FOCAD: variants seen among roughly 807,000 people sequenced by gnomAD.
FOCAD encodes focadhesin.
Under a neutral mutation model 225.6 loss-of-function variants are expected in FOCAD, and 198 were observed. The observed-to-expected ratio is 0.88, with a 90% CI of 0.78 to 0.99. The LOEUF is 0.99. Ranked by LOEUF, FOCAD falls within the 50% of genes least tolerant of loss-of-function variation. FOCAD has a pLI of 0.00. For missense variants in FOCAD, 2,713 were observed against 2,123.6 expected (o/e 1.28, Z -5.46); for synonymous variants, 897 against 755.0 (o/e 1.19, Z -3.08).
At chr9:20,794,780 A>G (rs1820882976) in intron 11 of FOCAD, among the ~76,000 whole-genome samples, 1 of 152,208 alleles carries the variant, frequency 6.6e-6, no homozygotes, top group Admixed American at 6.5e-5. Context: ...TTGGTGGATT[A>G]TCTTCCAGTT....
intron 2 of FOCAD, among the ~76,000 whole-genome samples, chr9:20,675,956 C>A (rs917659119): frequency 6.6e-6 from 1 of 152,060 alleles, no homozygotes; most frequent in Non-Finnish European, 1.5e-5. Flanking sequence ...GAATCGTCTG[C>A]GTAGAACAAC....
At chr9:20,831,894 T>A (rs1329051722) in intron 15 of FOCAD, among the ~76,000 whole-genome samples, 2 of 152,210 alleles carry the variant, frequency 1.3e-5, no homozygotes, top group East Asian at 3.9e-4. Context: ...ACCAGCAATC[T>A]ACTTTCCGTC....
intron 35 of FOCAD, among the ~76,000 whole-genome samples, chr9:20,964,797 G>A (rs1004254998): frequency 6.6e-6 from 1 of 152,176 alleles, no homozygotes; most frequent in Non-Finnish European, 1.5e-5. Context: ...GCCTCCCAAA[G>A]TGCTGGGATT....
intron 21 of FOCAD, among the ~76,000 whole-genome samples, chr9:20,901,476 A>G (rs950833152): frequency 6.6e-6 from 1 of 151,906 alleles, no homozygotes; most frequent in Admixed American, 6.6e-5. Context: ...TACCTGATTT[A>G]TAGTATTTAA....
intron 15 of FOCAD, among the ~76,000 whole-genome samples, chr9:20,834,231 T>A (rs1436544260): frequency 6.6e-6 from 1 of 151,788 alleles, no homozygotes; most frequent in East Asian, 1.9e-4. Flanking sequence ...TTGTCACTTA[T>A]AAGTGGGAGC....
At chr9:20,957,673 C>CTCTTTTT (rs1361017091) in intron 35 of FOCAD, 1 of 38,422 alleles carries the variant, frequency 2.6e-5, no homozygotes, top group African/African-American at 1.1e-4. Flanking sequence ...ATCTCTCTCT[C>CTCTTTTT]TTTTTTTTTT....
chr9:20,989,051 A>T (rs1841433280), intron 41 of FOCAD, among the ~76,000 whole-genome samples: 2 of 152,362 alleles, frequency 1.3e-5, no homozygotes, highest in South Asian at 4.1e-4. Flanking sequence ...AGACGAAGAC[A>T]GCTCTTTCCT....
Position 20,866,917 on chromosome 9 carries a change from T to TTTTTTTTTTTTAAAA in FOCAD, c.2107-12_2107-11insTTTTTTTTTTTAAAA. The TTTTTTTTTTTTAAAA allele has an allele frequency of 1.3e-6, 1 of 764,972 alleles. No homozygotes were observed. The highest frequency in any genetic ancestry group is 2.0e-6 in the Non-Finnish European group (1 of 498,468). 47.4% of individuals were successfully genotyped at this position (764,972 alleles called of 1,614,324 possible). A position where few individuals can be genotyped will look rare whatever the true frequency, so the allele number is the denominator to read the frequency against. ...TTTTTTTTTTTTTTTTTTTTTTTTTTACCCTATCTAGGACCCAATTGTAGC... is the reference window on the plus strand; with the variant it reads ...TTTTTTTTTTTTTTTTTTTTTTTTTTTTTTTTTTTTTAAAAACCCTATCTAGGACCCAATTGTAGC... On this transcript the variant is annotated splice_polypyrimidine_tract_variant and intron_variant, in intron 17 of 43. Transcript: ENST00000338382.
intron 6 of FOCAD, among the ~76,000 whole-genome samples, chr9:20,761,983 C>G (rs528036194): frequency 2.0e-5 from 3 of 152,006 alleles, no homozygotes; most frequent in Non-Finnish European, 4.4e-5. Context: ...ACAGATTAAG[C>G]CAAGGGGATT....
intron 4 of FOCAD, among the ~76,000 whole-genome samples, chr9:20,729,145 G>A (rs941080435): frequency 3.3e-5 from 5 of 152,198 alleles, no homozygotes; most frequent in African/African-American, 1.2e-4. Flanking sequence ...AAACTTGGTG[G>A]CTTAAGACAA....
At chr9:20,824,198 T>G (rs1824636421) in intron 15 of FOCAD, among the ~76,000 whole-genome samples, 1 of 152,110 alleles carries the variant, frequency 6.6e-6, no homozygotes, top group Non-Finnish European at 1.5e-5. Context: ...TTGATTTTAC[T>G]GCTTCTGTCA....
chr9:20,854,147 G>C (rs1180941253), intron 15 of FOCAD, among the ~76,000 whole-genome samples: 1 of 151,678 alleles, frequency 6.6e-6, no homozygotes, highest in Admixed American at 6.6e-5. Flanking sequence ...TAAAGAATCA[G>C]GACAAAAGGA....
chr9:20,684,697 C>G (rs1822553234), intron 1 of FOCAD: 1 of 152,318 alleles, frequency 6.6e-6, no homozygotes, highest in African/African-American at 2.4e-5. Context: ...GACCGGTTCC[C>G]TAGTTGGGGG....
intron 28 of FOCAD, among the ~76,000 whole-genome samples, chr9:20,938,089 A>G (rs201051698): frequency 2.1e-4 from 32 of 151,854 alleles, no homozygotes; most frequent in South Asian, 1.7e-3. Flanking sequence ...AACAGGTGCT[A>G]GAGAGGATGT....
Position 20,944,610 on chromosome 9 carries a change from C to G in FOCAD, c.3408-17C>G, listed in dbSNP as rs768372881. The G allele has an allele frequency of 1.9e-6, 3 of 1,607,248 alleles. No individual in the cohort carries two copies. Among genetic ancestry groups the G allele is most frequent in the East Asian group, 2.2e-5 (1 of 44,688 alleles). ...ATTTCTTATGATCCTAACATCTTAT[C>G]TTTTTTGGCTTCCAAGCACGGGCTG... is the stretch of plus-strand genomic sequence containing the variant. On this transcript the variant is annotated splice_polypyrimidine_tract_variant and intron_variant, in intron 28 of 43. Coordinates refer to ENST00000338382, the MANE Select transcript of FOCAD (RefSeq NM_001375567.1).
intron 25 of FOCAD, 117 bp downstream of exon 25, chr9:20,923,885 T>A: frequency 1.4e-6 from 1 of 728,712 alleles, no homozygotes; most frequent in South Asian, 1.6e-5. Context: ...CAAGTTATAG[T>A]ACTTGATGGG....
chr9:20,862,050 A>T (rs1027064223), intron 15 of FOCAD, among the ~76,000 whole-genome samples: 15 of 152,130 alleles, frequency 9.9e-5, no homozygotes, highest in African/African-American at 3.4e-4. Context: ...TTAAATTATT[A>T]TGTTAAATAC....
intron 42 of FOCAD, among the ~76,000 whole-genome samples, 170 bp from the exon 43 acceptor site, chr9:20,993,083 C>T (rs1841804249): frequency 6.6e-6 from 1 of 152,164 alleles, no homozygotes; most frequent in Non-Finnish European, 1.5e-5. Flanking sequence ...TGCTTGGTCC[C>T]TGTCTCATCT....
At chr9:20,810,785 A>G (rs1822975900) in intron 11 of FOCAD, among the ~76,000 whole-genome samples, 2 of 152,214 alleles carry the variant, frequency 1.3e-5, no homozygotes, top group East Asian at 1.9e-4. Flanking sequence ...TAGGCCAGGA[A>G]GGGTCGTGGC....
Sources: allele counts gnomAD v4.1 joint callset (sites outside exome capture counted in the v4.1 genomes callset), GRCh38; gene constraint gnomAD v4.1.1; transcripts MANE v1.5; gene names NCBI Gene and HGNC (gene_info 2026-07-23, HGNC 2026-07-21).